The following PRMT7 variants were observed in gnomAD, a reference collection of about 807,000 sequenced individuals.
PRMT7 encodes protein arginine N-methyltransferase 7.
A neutral mutation model predicts 85.4 loss-of-function variants in PRMT7; 75 were observed. That is an observed-to-expected ratio of 0.88 (90% CI 0.73 to 1.06). The LOEUF (loss-of-function observed/expected upper bound fraction) is 1.06, where lower values mean the gene tolerates loss of function less well. Among genes scored for constraint, PRMT7 ranks in the 50% least tolerant of loss-of-function variants. The probability of loss-of-function intolerance (pLI) is 0.00; values close to 1 mark genes in which losing one functional copy is unlikely to be tolerated. For missense variants in PRMT7, 868 were observed against 915.2 expected (o/e 0.95, Z 0.67); for synonymous variants, 397 against 359.5 (o/e 1.10, Z -1.18).
rs1379172870 is a variant in PRMT7 at position 68,357,386 on chromosome 16, T to C, written c.*162T>C. The C allele has an allele frequency of 5.4e-6, 4 of 742,032 alleles. No homozygotes were observed. Among genetic ancestry groups the C allele is most frequent in the African/African-American group, 3.6e-5 (2 of 56,028 alleles). The allele number at this position is 742,032 out of a possible 1,614,324, so 46.0% of individuals were successfully genotyped here. A position where few individuals can be genotyped will look rare whatever the true frequency, so the allele number is the denominator to read the frequency against. On this transcript the variant is annotated 3_prime_UTR_variant, in exon 19 of 19. Transcript: ENST00000441236. ...GCATCTTGTTGCATCTTTGCACTGC[T>C]GGCCTCTGGCTCCAGCTGTGGCAGG...
intron 5 of PRMT7, chr16:68,328,504 T>C (rs1004050957): frequency 2.9e-5 from 4 of 138,254 alleles, no homozygotes; most frequent in African/African-American, 1.2e-4. Context: ...ACAGTATGTA[T>C]GTATAGCAAA....
chr16:68,337,530 G>A lies in PRMT7; in HGVS notation c.463G>A (p.Ala155Thr), dbSNP rs759177827. ...TGACACAGAGCTGATCGGGGAGGGG[G>A]CGCTGCCCTCCTATGAGCACGCACA... Reference protein sequence around the residue: ...LFDTELIGEGALPSYEHAHRH... With the variant: ...LFDTELIGEGTLPSYEHAHRH... The change falls in exon 7 of 19, where the codon GCG becomes ACG. Residue 155 changes from alanine (A) to threonine (T), a missense_variant. Coordinates refer to ENST00000441236, the MANE Select transcript of PRMT7 (RefSeq NM_019023.5). The A allele has an allele frequency of 1.2e-6, 2 of 1,611,514 alleles. No homozygotes were observed. The highest frequency in any genetic ancestry group is 1.1e-5 in the South Asian group (1 of 90,932).
At position 68,355,788 on chromosome 16, in the gene PRMT7, C is replaced by T; in HGVS notation, c.1716C>T (p.Arg572=). 1.9e-6 allele frequency: 3 copies of T among 1,611,820 alleles called. No homozygotes were observed. The highest frequency in any genetic ancestry group is 1.1e-5 in the South Asian group (1 of 90,866). ...EPHPLWEYPC[R]SLSEPWQILT... ...ACCCGCTGTGGGAGTACCCATGCCG[C>T]AGCCTCTCCGAGCCCTGGCAGATCC... Residue 572 remains arginine, a synonymous_variant, in exon 17 of 19, where the codon CGC becomes CGT. Coordinates refer to ENST00000441236, the MANE Select transcript of PRMT7 (RefSeq NM_019023.5).
chr16:68,312,177 G>T lies in PRMT7; in HGVS notation c.-84+1G>T, dbSNP rs1427732626. 3 of 146,566 alleles carry T rather than the reference G, an allele frequency of 2.0e-5. No homozygotes were observed. 9.1% of individuals were successfully genotyped at this position (146,566 alleles called of 1,614,324 possible). A position where few individuals can be genotyped will look rare whatever the true frequency, so the allele number is the denominator to read the frequency against. ...TACAGGCACGCGCCACTACACTCGG[G>T]TAATTTTTAATTTTAATATATGTAT... On this transcript the variant is annotated splice_donor_variant, in intron 2 of 18. Transcript: ENST00000441236. LOFTEE classifies it low-confidence loss of function (5UTR_SPLICE).
Position 68,357,155 on chromosome 16 carries a change from T to C in PRMT7, c.2010T>C (p.Tyr670=). The change falls in exon 19 of 19, where the codon TAT becomes TAC. Residue 670 remains tyrosine (Y), a synonymous_variant. Coordinates refer to ENST00000441236, the MANE Select transcript of PRMT7 (RefSeq NM_019023.5). Reference sequence around the variant, plus strand: ...TGGGTGGCCCACGGACTGTCAGCTATGCAGTGGAGTTTCACCCCGACACAG... The same window carrying C: ...TGGGTGGCCCACGGACTGTCAGCTACGCAGTGGAGTTTCACCCCGACACAG... The part of the protein sequence containing the change: ...ALLGGPRTVS[Y]AVEFHPDTGD... The C allele has an allele frequency of 1.2e-6, 2 of 1,614,022 alleles. No homozygotes were observed. The highest frequency in any genetic ancestry group is 1.7e-5 in the Admixed American group (1 of 60,020).
chr16:68,312,471 C>T (rs1480429900), intron 2 of PRMT7, among the ~76,000 whole-genome samples: 2 of 151,978 alleles, frequency 1.3e-5, no homozygotes, highest in Admixed American at 6.6e-5. Context: ...CTCCCAGACT[C>T]GATATCCTTG....
chr16:68,347,507 A>G (rs535108001), intron 12 of PRMT7, 124 bp from the exon 13 acceptor site: 12 of 1,125,890 alleles, frequency 1.1e-5, no homozygotes, highest in Non-Finnish European at 1.6e-5. Flanking sequence ...CAGGGAGGGA[A>G]TGAGGGCAGG....
At chr16:68,352,826 C>T (rs1253358047) in intron 15 of PRMT7, among the ~76,000 whole-genome samples, 1 of 152,108 alleles carries the variant, frequency 6.6e-6, no homozygotes, top group Non-Finnish European at 1.5e-5. Context: ...CAAAGCAGAA[C>T]CATAGTCACA....
intron 6 of PRMT7, among the ~76,000 whole-genome samples, chr16:68,334,685 T>C (rs1184808246): frequency 2.6e-5 from 4 of 152,168 alleles, no homozygotes; most frequent in African/African-American, 9.7e-5. Flanking sequence ...GGCTACCTGC[T>C]TCAGACTCCC....
At chr16:68,360,346 TG>T (rs1217103714), downstream of PRMT7, 1 of 100,456 alleles carries the variant, frequency 1.0e-5, no homozygotes, top group Admixed American at 1.1e-4. Flanking sequence ...CCCTTCTTCC[TG>T]TAAAAAAAAA....
At position 68,352,408 on chromosome 16, in the gene PRMT7, G is replaced by T. The variant is rs2087539731; in HGVS notation, c.1574G>T (p.Arg525Met). The change falls in exon 15 of 19, where the codon AGG (arginine) becomes ATG (methionine). Residue 525 changes from arginine (R) to methionine (M), a missense_variant and splice_region_variant. Transcript: ENST00000441236. ...ASLHAVVVEFRDLWRIRSPCG... is the reference protein window; with the variant it reads ...ASLHAVVVEFMDLWRIRSPCG... ...CTGCACGCTGTGGTTGTGGAGTTCA[G>T]GGTAGGCCACCCAGGGGATGTTGGA... The T allele has an allele frequency of 3.1e-6, 5 of 1,592,908 alleles. No homozygotes were observed. Among genetic ancestry groups the T allele is most frequent in the Non-Finnish European group, 4.3e-6 (5 of 1,172,866 alleles).
At chr16:68,313,912 A>G (rs1314095195) in intron 2 of PRMT7, among the ~76,000 whole-genome samples, 1 of 152,182 alleles carries the variant, frequency 6.6e-6, no homozygotes, top group Admixed American at 6.5e-5. Flanking sequence ...AGCCACTGTG[A>G]TCCAACCTGG....
At chr16:68,336,762 ACT>A (rs2084752390) in intron 6 of PRMT7, among the ~76,000 whole-genome samples, 1 of 151,822 alleles carries the variant, frequency 6.6e-6, no homozygotes, top group African/African-American at 2.4e-5. Flanking sequence ...ACAGAGTCTC[ACT>A]CTGTCGCGCA....
At position 68,346,141 on chromosome 16, in the gene PRMT7, C is replaced by T. The variant is rs746757926; in HGVS notation, c.1056-4C>T. On this transcript the variant is annotated splice_polypyrimidine_tract_variant and splice_region_variant and intron_variant, in intron 10 of 18. Transcript: ENST00000441236. ...CACGTCTGTTTGTTCATCTCCTGGC[C>T]TAGCCCTGAAAAGAATGAGAGAGTC... is the stretch of plus-strand genomic sequence containing the variant. 2 of 1,613,428 alleles carry T rather than the reference C, an allele frequency of 1.2e-6. No individual in the cohort carries two copies. The highest frequency in any genetic ancestry group is 2.2e-5 in the South Asian group (2 of 91,074).
At chr16:68,337,881 G>A (rs924096568) in intron 7 of PRMT7, among the ~76,000 whole-genome samples, 1 of 152,244 alleles carries the variant, frequency 6.6e-6, no homozygotes, top group Admixed American at 6.5e-5. Flanking sequence ...TGGCCTGGCA[G>A]ATGGAATATT....
intron 6 of PRMT7, among the ~76,000 whole-genome samples, chr16:68,333,841 C>T (rs924860386): frequency 2.0e-5 from 3 of 152,230 alleles, no homozygotes; most frequent in Middle Eastern, 3.4e-3. Context: ...GGCATGACCT[C>T]GGCTCACTGC....
At chr16:68,322,869 A>T (rs1567648176) in intron 4 of PRMT7, among the ~76,000 whole-genome samples, 1 of 151,966 alleles carries the variant, frequency 6.6e-6, no homozygotes, top group Non-Finnish European at 1.5e-5. Flanking sequence ...CGTCCCTACT[A>T]AAAATACAAA....
chr16:68,337,625 A>C, intron 7 of PRMT7, 54 bp downstream of exon 7: 1 of 1,249,312 alleles, frequency 8.0e-7, no homozygotes, highest in Non-Finnish European at 1.2e-6. Context: ...CAGCTCACAT[A>C]GCACTCACTC....
intron 9 of PRMT7, among the ~76,000 whole-genome samples, chr16:68,341,292 A>G (rs2085495940): frequency 6.6e-6 from 1 of 152,218 alleles, no homozygotes; most frequent in Non-Finnish European, 1.5e-5. Context: ...GACAAAACCA[A>G]TTCGCTGACA....
Sources: gnomAD v4.1 joint callset for allele counts (sites outside exome capture counted in the v4.1 genomes callset) on GRCh38, gnomAD v4.1.1 for gene constraint, MANE v1.5 for transcripts, NCBI Gene and HGNC (gene_info 2026-07-23, HGNC 2026-07-21) for gene names.